CPA6: variants seen among roughly 807,000 people sequenced by gnomAD.
CPA6 encodes carboxypeptidase A6.
In CPA6, 58 loss-of-function variants were observed where a neutral mutation model predicts 63.3. The ratio of observed to expected loss-of-function variants is 0.92; its 90% CI spans 0.74 to 1.14. The LOEUF is 1.14. Ranked by LOEUF, CPA6 falls within the 50% of genes most tolerant of loss-of-function variation. CPA6 has a pLI of 0.00. For missense variants in CPA6, 565 were observed against 526.6 expected (o/e 1.07, Z -0.71); for synonymous variants, 185 against 179.0 (o/e 1.03, Z -0.27).
intron 2 of CPA6, among the ~76,000 whole-genome samples, chr8:67,572,190 T>C (rs1813501622): frequency 6.6e-6 from 1 of 152,136 alleles, no homozygotes; most frequent in Non-Finnish European, 1.5e-5. Context: ...CAATAAAAAG[T>C]CTCCCATTGT....
intron 8 of CPA6, among the ~76,000 whole-genome samples, chr8:67,453,138 G>A (rs1036427703): frequency 6.6e-6 from 1 of 152,142 alleles, no homozygotes; most frequent in Non-Finnish European, 1.5e-5. Context: ...AGGGGGGCAA[G>A]GGTAGCAGCT....
chr8:67,545,150 A>G (rs1021746323), intron 2 of CPA6, among the ~76,000 whole-genome samples: 1 of 152,194 alleles, frequency 6.6e-6, no homozygotes, highest in African/African-American at 2.4e-5. Flanking sequence ...TTTTTCTTTC[A>G]AATGTGTAGC....
rs1813120816 is a variant in CPA6, at chr8:67,558,481, C to G, written c.193-40434G>C. On this transcript the variant is annotated intron_variant, in intron 2 of 10. Coordinates refer to ENST00000297770, the MANE Select transcript of CPA6 (RefSeq NM_020361.5). ...CAATACATTTAGTTTTCAGTGCTAT[C>G]TAAAATGTGAAAGTCAATGTAAATT... is the stretch of plus-strand genomic sequence containing the variant. Among the ~76,000 whole-genome samples, 4 of 152,234 alleles carry G rather than the reference C, an allele frequency of 2.6e-5. No homozygotes were observed. The South Asian group carries it at 8.3e-4, about 32-fold the overall frequency.
At chr8:67,642,332 AT>A (rs1171085198) in intron 1 of CPA6, among the ~76,000 whole-genome samples, 79 of 150,696 alleles carry the variant, frequency 5.2e-4, no homozygotes, top group African/African-American at 1.3e-3. Flanking sequence ...AAAAAAAAAA[AT>A]ATTGATTAAA....
intron 8 of CPA6, among the ~76,000 whole-genome samples, chr8:67,457,128 T>C (rs1810694211): frequency 6.6e-6 from 1 of 152,252 alleles, no homozygotes; most frequent in Non-Finnish European, 1.5e-5. Context: ...TGTAATTTGT[T>C]ACAGCAGCAA....
intron 1 of CPA6, among the ~76,000 whole-genome samples, chr8:67,647,679 G>C (rs185018026): frequency 6.6e-6 from 1 of 152,116 alleles, no homozygotes; most frequent in Non-Finnish European, 1.5e-5. Flanking sequence ...AAGTCTGGAC[G>C]CAATAAAGAA....
chr8:67,687,101 T>TAA (rs10656584), intron 1 of CPA6, among the ~76,000 whole-genome samples: 71,376 of 151,888 alleles, frequency 0.47, 19,902 homozygotes, highest in African/African-American at 0.79. Context: ...ACTCCAGTGA[T>TAA]GTTAGCATTT....
In CPA6 at chr8:67,422,563, T is replaced by C. The variant is rs750274312; in HGVS notation, c.1255A>G (p.Thr419Ala). The C allele has an allele frequency of 6.2e-7, 1 of 1,614,156 alleles. No individual in the cohort carries two copies. Reference protein sequence around the residue: ...LPEMLIKPTCTETMLAVKNIT... With the variant: ...LPEMLIKPTCAETMLAVKNIT... ...TTTTTCACAGCCAGCATAGTTTCTG[T>C]ACAGGTGGGTTTGATGAGCATCTCT... Residue 419 changes from threonine to alanine, a missense_variant, in exon 11 of 11, where the codon ACA becomes GCA. Thr to Ala is a moderately conservative substitution (Grantham distance 58). Transcript: ENST00000297770.
At chr8:67,674,006 G>A (rs560192891) in intron 1 of CPA6, among the ~76,000 whole-genome samples, 27 of 152,274 alleles carry the variant, frequency 1.8e-4, no homozygotes, top group Admixed American at 1.4e-3. Flanking sequence ...TTTACTATAT[G>A]CCATATTCTG....
rs1281848871 is a variant in CPA6, at chr8:67,426,013, C to T, written c.1126+2034G>A. Among the ~76,000 whole-genome samples the T allele has an allele frequency of 2.0e-5, 3 of 151,930 alleles. No homozygotes were observed. The East Asian group carries it at 5.8e-4, about 29-fold the overall frequency. On this transcript the variant is annotated intron_variant, in intron 10 of 10. Coordinates refer to ENST00000297770, the MANE Select transcript of CPA6 (RefSeq NM_020361.5). The stretch of plus-strand genomic sequence containing the variant: ...TGGGGTTCAAGAGATTCTCCTGCCT[C>T]AGCCTCCTGATTAGCTGTGATTACA...
At chr8:67,585,427 T>C (rs1358797658) in intron 2 of CPA6, among the ~76,000 whole-genome samples, 1 of 152,184 alleles carries the variant, frequency 6.6e-6, no homozygotes, top group Non-Finnish European at 1.5e-5. Flanking sequence ...ACCAGTGTTT[T>C]TGGTTCTTAA....
chr8:67,714,022 T>TA (rs1440469224), intron 1 of CPA6, among the ~76,000 whole-genome samples: 8 of 152,210 alleles, frequency 5.3e-5, no homozygotes, highest in Non-Finnish European at 8.8e-5. Context: ...ATTGCCATGT[T>TA]AAAATTTTTT....
intron 2 of CPA6, among the ~76,000 whole-genome samples, chr8:67,567,947 G>A (rs962784979): frequency 3.3e-5 from 5 of 151,592 alleles, no homozygotes; most frequent in African/African-American, 1.2e-4. Flanking sequence ...AACAAAGCAA[G>A]GAGGTGAGGC....
chr8:67,541,304 T>C (rs1812698507), intron 2 of CPA6, among the ~76,000 whole-genome samples: 1 of 152,050 alleles, frequency 6.6e-6, no homozygotes, highest in Non-Finnish European at 1.5e-5. Context: ...CCTCATATTG[T>C]CTTATGCCTA....
At chr8:67,668,663 G>A (rs1335127979) in intron 1 of CPA6, among the ~76,000 whole-genome samples, 1 of 152,158 alleles carries the variant, frequency 6.6e-6, no homozygotes, top group African/African-American at 2.4e-5. Flanking sequence ...TTCATCTGGA[G>A]TTTTAATGAT....
At chr8:67,559,216 C>T (rs1235314006) in intron 2 of CPA6, among the ~76,000 whole-genome samples, 1 of 152,102 alleles carries the variant, frequency 6.6e-6, no homozygotes, top group Non-Finnish European at 1.5e-5. Flanking sequence ...GTTTCTAAAC[C>T]ATTTAATATT....
At chr8:67,629,684 C>T (rs1587650743) in intron 1 of CPA6, among the ~76,000 whole-genome samples, 1 of 152,306 alleles carries the variant, frequency 6.6e-6, no homozygotes, top group African/African-American at 2.4e-5. Flanking sequence ...ATATGAACCT[C>T]TGTTCCCAAC....
At chr8:67,503,096 T>C (rs2128964072) in intron 6 of CPA6, among the ~76,000 whole-genome samples, 1 of 152,278 alleles carries the variant, frequency 6.6e-6, no homozygotes, top group African/African-American at 2.4e-5. Context: ...TGGAGTGTAG[T>C]GGCATGATCC....
intron 2 of CPA6, among the ~76,000 whole-genome samples, chr8:67,572,372 A>G (rs1444152960): frequency 2.0e-5 from 3 of 152,302 alleles, no homozygotes; most frequent in East Asian, 1.9e-4. Context: ...CTTTTGAAAG[A>G]CTGGGCTAAT....
Sources: gnomAD v4.1 joint callset for allele counts (sites outside exome capture counted in the v4.1 genomes callset) on GRCh38, gnomAD v4.1.1 for gene constraint, MANE v1.5 for transcripts, NCBI Gene and HGNC (gene_info 2026-07-23, HGNC 2026-07-21) for gene names.